The following BMP1 variants were observed in gnomAD, a reference collection of about 807,000 sequenced individuals.
BMP1 encodes the protein bone morphogenetic protein 1, also known as mammalian tolloid protein.
A neutral mutation model predicts 116.8 loss-of-function variants in BMP1; 63 were observed. That is an observed-to-expected ratio of 0.54 (90% CI 0.44 to 0.67). The LOEUF is 0.67. BMP1 is among the 30% of genes least tolerant of loss of function. The pLI, the probability that BMP1 is intolerant of heterozygous loss-of-function variation, is 0.00. For missense variants in BMP1, 1,183 were observed against 1,358.9 expected (o/e 0.87, Z 2.04); for synonymous variants, 536 against 533.4 (o/e 1.00, Z -0.07).
chr8:22,176,844 G>A, intron 4 of BMP1, 117 bp from the exon 5 acceptor site: 1 of 1,007,072 alleles, frequency 9.9e-7, no homozygotes, highest in South Asian at 1.5e-5. Context: ...CGGTGCTCAG[G>A]GCCCACCCCT....
In BMP1 at chr8:22,194,910, T is replaced by C. The variant is rs1435211390; in HGVS notation, c.1630T>C (p.Phe544Leu). The change falls in exon 12 of 20, where the codon TTT becomes CTT. Residue 544 changes from phenylalanine (F) to leucine (L), a missense_variant. By Grantham distance (22) the Phe-to-Leu change is conservative (BLOSUM62 0). Transcript: ENST00000306385. The surrounding 1 kb of genome is among the most constrained non-coding windows in gnomAD (Gnocchi z 4.5). ...SINKAGFAVN[F>L]FKEVDECSRP... is the part of the protein sequence containing the mutation. ...TAACAAAGCGGGCTTTGCCGTCAAC[T>C]TTTTCAAAGGTGCCTCCTCTGTTAC... The C allele has an allele frequency of 1.4e-5, 23 of 1,607,606 alleles. No homozygotes were observed. Among genetic ancestry groups the C allele is most frequent in the Non-Finnish European group, 1.8e-5 (21 of 1,177,614 alleles).
At chr8:22,166,961 G>C (rs1039879448) in intron 1 of BMP1, among the ~76,000 whole-genome samples, 1 of 152,184 alleles carries the variant, frequency 6.6e-6, no homozygotes, top group African/African-American at 2.4e-5. Flanking sequence ...GAATGGTAAT[G>C]ATCATGTCTG....
At position 22,165,568 on chromosome 8, in the gene BMP1, GCC is replaced by G; in HGVS notation, c.148+20_148+21del. ...CTGCAAGGCGGGTGAGCGCCCCCCG[GCC>G]CCCCGGCGACGGGCCAGGCGGGGAG... On this transcript the variant is annotated intron_variant, in intron 1 of 19. Transcript: ENST00000306385. 6.4e-7 allele frequency: 1 copy of G among 1,570,894 alleles called. No individual in the cohort carries two copies. The highest frequency in any genetic ancestry group is 8.6e-7 in the Non-Finnish European group (1 of 1,162,674).
At chr8:22,180,519 C>A in intron 8 of BMP1, 36 bp downstream of exon 8, 1 of 1,580,030 alleles carries the variant, frequency 6.3e-7, no homozygotes, top group Non-Finnish European at 8.7e-7. Flanking sequence ...CTCCCCCTCC[C>A]CTGCGGGTCC....
At chr8:22,201,195 C>A (rs778878576) in intron 15 of BMP1, 1 of 1,613,386 alleles carries the variant, frequency 6.2e-7, no homozygotes. Flanking sequence ...AAACCGGACC[C>A]CCCAGTGAGG....
intron 2 of BMP1, among the ~76,000 whole-genome samples, chr8:22,174,854 G>A (rs758396961): frequency 6.6e-6 from 1 of 151,904 alleles, no homozygotes; most frequent in Non-Finnish European, 1.5e-5. Context: ...GGCTGGTCTC[G>A]AACTCCTGGC....
chr8:22,211,820 C>G lies in BMP1; in HGVS notation c.*92C>G. On this transcript the variant is annotated 3_prime_UTR_variant, in exon 20 of 20. Coordinates refer to ENST00000306385, the MANE Select transcript of BMP1 (RefSeq NM_006129.5). ...GTGGGCGGAAGGCAACGCACCATCC[C>G]TCTCCCCCAGGCCCCAGGACCTGCA... is the stretch of plus-strand genomic sequence containing the variant. 5.0e-6 allele frequency: 8 copies of G among 1,586,720 alleles called. No homozygotes were observed. Among genetic ancestry groups the G allele is most frequent in the Non-Finnish European group, 6.0e-6 (7 of 1,164,534 alleles).
Position 22,196,797 on chromosome 8 carries a change from G to T in BMP1, c.1883G>T (p.Arg628Leu), listed in dbSNP as rs755773074. 6 of 1,613,940 alleles carry T rather than the reference G, an allele frequency of 3.7e-6. No individual in the cohort carries two copies. Among genetic ancestry groups the T allele is most frequent in the South Asian group, 2.2e-5 (2 of 91,054 alleles). Residue 628 changes from arginine to leucine, a missense_variant, in exon 14 of 20, where the codon CGC becomes CTC. By Grantham distance (102) the Arg-to-Leu change is moderately radical. Transcript: ENST00000306385. ...CAGCTGGTGGCCCCCACCCAGTACC[G>T]CATCTCCCTGCAGTTTGACTTCTTT... is the stretch of plus-strand genomic sequence containing the variant. The part of the protein sequence containing the change: ...IWQLVAPTQY[R>L]ISLQFDFFET...
At chr8:22,190,538 G>A (rs953912837) in intron 8 of BMP1, among the ~76,000 whole-genome samples, 2 of 152,218 alleles carry the variant, frequency 1.3e-5, no homozygotes, top group African/African-American at 4.8e-5. Flanking sequence ...CGATGAAGCC[G>A]GCCTGCACGG....
At chr8:22,185,766 C>T (rs1417419390) in intron 8 of BMP1, among the ~76,000 whole-genome samples, 1 of 151,550 alleles carries the variant, frequency 6.6e-6, no homozygotes, top group Non-Finnish European at 1.5e-5. Flanking sequence ...GGATCACAGG[C>T]ACCTGCTATC....
At chr8:22,190,860 C>A (rs888723823) in intron 8 of BMP1, among the ~76,000 whole-genome samples, 1 of 152,166 alleles carries the variant, frequency 6.6e-6, no homozygotes, top group African/African-American at 2.4e-5. Flanking sequence ...CCCAGCTCTC[C>A]CAGAGCAGGA....
chr8:22,171,946 G>C (rs533461009), intron 1 of BMP1, among the ~76,000 whole-genome samples: 2 of 152,214 alleles, frequency 1.3e-5, no homozygotes, highest in African/African-American at 4.8e-5. Context: ...GCTTTCATGC[G>C]CAAGGATGTG....
chr8:22,180,709 T>C (rs897212173), intron 8 of BMP1, among the ~76,000 whole-genome samples: 1 of 152,264 alleles, frequency 6.6e-6, no homozygotes, highest in African/African-American at 2.4e-5. Flanking sequence ...AATTTGCACA[T>C]AGCACTTGCT....
At chr8:22,180,997 G>A (rs761603659) in intron 8 of BMP1, among the ~76,000 whole-genome samples, 110 of 152,302 alleles carry the variant, frequency 7.2e-4, no homozygotes, top group Admixed American at 1.4e-3. Flanking sequence ...GGCTCTTCCC[G>A]ATTCTGACAG....
Position 22,194,247 on chromosome 8 carries a change from G to A in BMP1, c.1297+73G>A. On this transcript the variant is annotated intron_variant, in intron 10 of 19. Coordinates refer to ENST00000306385, the MANE Select transcript of BMP1 (RefSeq NM_006129.5). This position sits in a 1 kb window ranked among gnomAD's most constrained non-coding sequence, Gnocchi z 4.5. ...GGCATGGTAAAACAACTCCCTCCTGGCACCTGAGGGGCAAGATTGTGGGTT... is the reference window on the plus strand; with the variant it reads ...GGCATGGTAAAACAACTCCCTCCTGACACCTGAGGGGCAAGATTGTGGGTT... The A allele has an allele frequency of 6.7e-7, 1 of 1,498,214 alleles. No individual in the cohort carries two copies. The highest frequency in any genetic ancestry group is 9.3e-7 in the Non-Finnish European group (1 of 1,076,404). 92.8% of individuals were successfully genotyped at this position (1,498,214 alleles called of 1,614,324 possible).
intron 8 of BMP1, among the ~76,000 whole-genome samples, chr8:22,186,392 G>C (rs1370151729): frequency 1.3e-5 from 2 of 152,188 alleles, no homozygotes; most frequent in East Asian, 3.9e-4. Flanking sequence ...AGTTTGACTC[G>C]CAGCTGTGCC....
At chr8:22,205,960 T>C (rs1462055813) in intron 16 of BMP1, among the ~76,000 whole-genome samples, 1 of 152,144 alleles carries the variant, frequency 6.6e-6, no homozygotes, top group African/African-American at 2.4e-5. Flanking sequence ...TATATGTCTG[T>C]TGACTTCACC....
chr8:22,186,861 G>A (rs750678772), intron 8 of BMP1, among the ~76,000 whole-genome samples: 3 of 152,110 alleles, frequency 2.0e-5, no homozygotes, highest in Non-Finnish European at 2.9e-5. Context: ...TCTTAAAACC[G>A]TCTCCTCCTC....
At chr8:22,176,002 A>C in intron 2 of BMP1, 141 bp from the exon 3 acceptor site, 1 of 862,318 alleles carries the variant, frequency 1.2e-6, no homozygotes, top group Non-Finnish European at 1.8e-6. Flanking sequence ...CCCTGAGAGT[A>C]TTGATTTTGG....
Sources: allele counts gnomAD v4.1 joint callset (sites outside exome capture counted in the v4.1 genomes callset), GRCh38; gene constraint gnomAD v4.1.1; non-coding constraint Gnocchi (gnomAD v3.1); transcripts MANE v1.5; gene names NCBI Gene and HGNC (gene_info 2026-07-23, HGNC 2026-07-21).